Variants in DCC observed in about 807,000 individuals in gnomAD.
DCC encodes the protein DCC netrin 1 receptor, also known as netrin receptor DCC.
DCC carries 58 observed loss-of-function variants against 172.5 expected under a neutral mutation model. The ratio of observed to expected loss-of-function variants is 0.34; its 90% CI spans 0.27 to 0.42. DCC has a LOEUF of 0.42. Ranked by LOEUF, DCC falls within the 10% of genes least tolerant of loss-of-function variation. The probability of loss-of-function intolerance (pLI) is 1.00; values close to 1 mark genes in which losing one functional copy is unlikely to be tolerated. For missense variants in DCC, 1,740 were observed against 1,791.0 expected, an observed-to-expected ratio of 0.97 and a Z score of 0.51; for synonymous variants, 709 against 644.5, an observed-to-expected ratio of 1.10 and a Z score of -1.52.
chr18:52,799,800 T>TA (rs1369007892), intron 2 of DCC, among the ~76,000 whole-genome samples: 4 of 151,578 alleles, frequency 2.6e-5, no homozygotes, highest in African/African-American at 9.6e-5. Flanking sequence ...TTGTTTTATC[T>TA]GTTAATAACT....
chr18:52,503,648 C>T (rs1598870776), intron 1 of DCC, among the ~76,000 whole-genome samples: 1 of 152,104 alleles, frequency 6.6e-6, no homozygotes, highest in African/African-American at 2.4e-5. Flanking sequence ...CTTGTCACTG[C>T]CCCATGGTAA....
At chr18:53,087,554 C>G (rs1338780681) in intron 7 of DCC, among the ~76,000 whole-genome samples, 4 of 151,974 alleles carry the variant, frequency 2.6e-5, no homozygotes, top group Non-Finnish European at 5.9e-5. Context: ...TTGTAGGTTG[C>G]CTGTTTACTC....
At chr18:53,426,337 A>C (rs1910946855) in intron 21 of DCC, among the ~76,000 whole-genome samples, 1 of 144,310 alleles carries the variant, frequency 6.9e-6, no homozygotes, top group African/African-American at 2.5e-5. Flanking sequence ...ATTTTATGAT[A>C]TATATTTATA....
chr18:53,086,024 C>CTTCTTT (rs2042880394), intron 7 of DCC, among the ~76,000 whole-genome samples: 1 of 894 alleles, frequency 1.1e-3, no homozygotes, highest in Non-Finnish European at 2.1e-3. Flanking sequence ...TTCTCCCTCT[C>CTTCTTT]CCTCTCCCTC....
intron 1 of DCC, among the ~76,000 whole-genome samples, chr18:52,560,040 T>G (rs2033001298): frequency 6.6e-6 from 1 of 152,208 alleles, no homozygotes; most frequent in Non-Finnish European, 1.5e-5. Context: ...TGCCCCACCA[T>G]TTTTATTAGC....
chr18:52,356,086 G>A (rs1984351147), intron 1 of DCC, among the ~76,000 whole-genome samples: 1 of 152,178 alleles, frequency 6.6e-6, no homozygotes, highest in Non-Finnish European at 1.5e-5. Context: ...ATAAGGCTAG[G>A]AGAAAAAGGA....
At chr18:52,740,137 T>C (rs2036796373) in intron 1 of DCC, among the ~76,000 whole-genome samples, 2 of 152,188 alleles carry the variant, frequency 1.3e-5, no homozygotes. Flanking sequence ...GTTGCACATA[T>C]AGACGCCAGA....
At chr18:53,436,983 A>T (rs558348905) in intron 22 of DCC, among the ~76,000 whole-genome samples, 14 of 152,220 alleles carry the variant, frequency 9.2e-5, no homozygotes, top group Admixed American at 2.0e-4. Flanking sequence ...AAGGGCACTA[A>T]TCCCGTTTAT....
chr18:53,249,279 T>A (rs1017276712), intron 12 of DCC, among the ~76,000 whole-genome samples: 1 of 151,962 alleles, frequency 6.6e-6, no homozygotes, highest in Admixed American at 6.6e-5. Context: ...ATTATAGCTA[T>A]CTTCTAGCAA....
intron 1 of DCC, among the ~76,000 whole-genome samples, chr18:52,404,668 T>C (rs1396240278): frequency 6.6e-6 from 1 of 151,864 alleles, no homozygotes; most frequent in Admixed American, 6.6e-5. Context: ...TTCTTTTTTT[T>C]TTTTAAATTA....
intron 5 of DCC, among the ~76,000 whole-genome samples, chr18:53,028,354 C>A (rs1304668456): frequency 6.6e-6 from 1 of 152,068 alleles, no homozygotes; most frequent in African/African-American, 2.4e-5. Flanking sequence ...ACGTCTTTCT[C>A]TCAGTCAATT....
chr18:53,265,043 A>G (rs959973975), intron 12 of DCC, among the ~76,000 whole-genome samples: 5 of 152,204 alleles, frequency 3.3e-5, no homozygotes, highest in Non-Finnish European at 4.4e-5. Context: ...GTGAGCTGTG[A>G]AAGCAACCGT....
intron 13 of DCC, among the ~76,000 whole-genome samples, chr18:53,317,957 G>T (rs1243005836): frequency 2.0e-5 from 3 of 151,996 alleles, no homozygotes; most frequent in Admixed American, 6.5e-5. Flanking sequence ...TTTTTTTGAA[G>T]GGTTTTTTGT....
At chr18:53,038,552 TTC>T (rs776337594) in intron 5 of DCC, among the ~76,000 whole-genome samples, 1 of 152,118 alleles carries the variant, frequency 6.6e-6, no homozygotes, top group South Asian at 2.1e-4. Context: ...CCGCAGAACT[TTC>T]TCTCTCTTAT....
chr18:53,477,397 T>C (rs1377683966), intron 25 of DCC, among the ~76,000 whole-genome samples: 2 of 152,230 alleles, frequency 1.3e-5, no homozygotes, highest in African/African-American at 2.4e-5. Flanking sequence ...AAAAATTTTG[T>C]ATCTGTATCT....
At chr18:53,277,951 A>C (rs1251354255) in intron 12 of DCC, among the ~76,000 whole-genome samples, 1 of 152,194 alleles carries the variant, frequency 6.6e-6, no homozygotes, top group East Asian at 1.9e-4. Context: ...TTTTGCTGTT[A>C]TTTGATAAAT....
At chr18:53,225,049 G>A (rs1398885950) in intron 12 of DCC, among the ~76,000 whole-genome samples, 2 of 152,128 alleles carry the variant, frequency 1.3e-5, no homozygotes, top group African/African-American at 4.8e-5. Context: ...GGGATAAAAA[G>A]AGGAAGGGTG....
intron 1 of DCC, among the ~76,000 whole-genome samples, chr18:52,720,035 G>T (rs1236393381): frequency 2.0e-5 from 3 of 152,034 alleles, no homozygotes; most frequent in Non-Finnish European, 4.4e-5. Flanking sequence ...TGCTTGATGT[G>T]GAGAAAGGAG....
At chr18:52,694,681 A>G (rs2145019875) in intron 1 of DCC, among the ~76,000 whole-genome samples, 1 of 152,248 alleles carries the variant, frequency 6.6e-6, no homozygotes, top group South Asian at 2.1e-4. Context: ...CAGTTACAGC[A>G]AGAAGAAGAG....
Sources: allele counts gnomAD v4.1 joint callset (sites outside exome capture counted in the v4.1 genomes callset), GRCh38; gene constraint gnomAD v4.1.1; transcripts MANE v1.5; gene names NCBI Gene and HGNC (gene_info 2026-07-23, HGNC 2026-07-21).